MORC4: variants seen among roughly 807,000 people sequenced by gnomAD.
MORC4 encodes the protein MORC family CW-type zinc finger protein 4.
Under a neutral mutation model 65.5 loss-of-function variants are expected in MORC4, and 22 were observed. That is an observed-to-expected ratio of 0.34 (90% CI 0.24 to 0.48). The LOEUF is 0.48. Ranked by LOEUF, MORC4 falls within the 20% of genes least tolerant of loss-of-function variation. The probability of loss-of-function intolerance (pLI) is 0.99; values close to 1 mark genes in which losing one functional copy is unlikely to be tolerated. For missense variants in MORC4, 624 were observed against 703.0 expected, an observed-to-expected ratio of 0.89 and a Z score of 1.27; for synonymous variants, 267 against 255.8, an observed-to-expected ratio of 1.04 and a Z score of -0.42.
At chrX:106,957,936 C>T (rs1934149487) in intron 11 of MORC4, among the ~76,000 whole-genome samples, 1 of 112,024 alleles carries the variant, frequency 8.9e-6, no homozygotes, top group African/African-American at 3.2e-5. Context: ...GAACAAATGT[C>T]AAGAATCAAA....
Position 106,956,462 on chromosome X carries a change from G to C in MORC4, c.1509+18C>G, listed in dbSNP as rs374561041. On this transcript the variant is annotated intron_variant, in intron 13 of 16. Transcript: ENST00000355610. ...AAAATGTTGTGTGAGAACAATAAGG[G>C]TGTGCACTGCCTCTCACCTGGTGGT... 12 of 1,171,833 alleles carry C rather than the reference G, an allele frequency of 1.0e-5. No homozygotes were observed. Among genetic ancestry groups the C allele is most frequent in the Non-Finnish European group, 1.4e-5 (12 of 860,244 alleles).
intron 9 of MORC4, among the ~76,000 whole-genome samples, chrX:106,970,262 C>T (rs1010747652): frequency 6.3e-5 from 7 of 111,870 alleles, no homozygotes; most frequent in Non-Finnish European, 1.1e-4. Flanking sequence ...AAAAAGCCTT[C>T]GACAAAATTC....
At chrX:106,947,874 T>C (rs1183006600) in intron 14 of MORC4, among the ~76,000 whole-genome samples, 2 of 107,554 alleles carry the variant, frequency 1.9e-5, no homozygotes, top group Non-Finnish European at 3.8e-5. Context: ...AATTCAACAA[T>C]AATAGTTGGA....
At chrX:106,984,272 A>T (rs1432114020) in intron 5 of MORC4, among the ~76,000 whole-genome samples, 1 of 106,423 alleles carries the variant, frequency 9.4e-6, no homozygotes, top group Non-Finnish European at 1.9e-5. Flanking sequence ...GGCAAGAGAG[A>T]CTCTGTCTCA....
At position 106,942,966 on chromosome X, in the gene MORC4, A is replaced by G; in HGVS notation, c.1925T>C (p.Val642Ala). 1 of 1,210,714 alleles carries G rather than the reference A, an allele frequency of 8.3e-7. No individual in the cohort carries two copies. The change falls in exon 15 of 17, where the codon GTT (valine) becomes GCT (alanine). Residue 642 changes from valine to alanine, a missense_variant. Val to Ala is a moderately conservative substitution (Grantham distance 64). Transcript: ENST00000355610. ...TTTGGCCCCTGGATACAGAATTGAA[A>G]CCTCCCTATTCTGACCTGTATTCTT... ...ASKNTGQNRE[V>A]SILYPGAKDQ...
At chrX:106,953,776 T>C (rs1934033224) in intron 14 of MORC4, among the ~76,000 whole-genome samples, 1 of 111,827 alleles carries the variant, frequency 8.9e-6, no homozygotes, top group Admixed American at 9.5e-5. Flanking sequence ...TGTATTCCAC[T>C]GACTATTCTA....
intron 5 of MORC4, among the ~76,000 whole-genome samples, chrX:106,984,465 C>CTTTTTTTTTTTTTTTTTTT (rs762110163): frequency 1.4e-5 from 1 of 71,388 alleles, no homozygotes; most frequent in African/African-American, 6.3e-5. Context: ...TTTCTTTTTT[C>CTTTTTTTTTTTTTTTTTTT]TTTTTTTTTT....
Position 106,993,268 on chromosome X carries a change from T to C in MORC4, c.270A>G (p.Gly90=). ...GTAGTTTATGAGGTGTCATCCCACA[T>C]CCATCATCGGTAAAGGTCAAACAAG... The part of the protein sequence containing the change: ...NKSCLTFTDD[G]CGMTPHKLHR... The change falls in exon 3 of 17, where the codon GGA becomes GGG. Residue 90 remains glycine, a synonymous_variant. Transcript: ENST00000355610. 1.7e-6 allele frequency: 2 copies of C among 1,210,239 alleles called. No homozygotes were observed. Among genetic ancestry groups the C allele is most frequent in the Non-Finnish European group, 2.2e-6 (2 of 894,092 alleles).
chrX:106,984,452 GTTTTTCT>G (rs1239989680), intron 5 of MORC4, among the ~76,000 whole-genome samples: 4 of 88,327 alleles, frequency 4.5e-5, no homozygotes, highest in Admixed American at 1.3e-4. Context: ...AAACAACTCT[GTTTTTCT>G]TTTTTCTTTT....
At chrX:106,960,948 C>T (rs982054675) in intron 10 of MORC4, among the ~76,000 whole-genome samples, 3 of 111,958 alleles carry the variant, frequency 2.7e-5, no homozygotes, top group Middle Eastern at 4.2e-3. Flanking sequence ...TTTTACCACT[C>T]TAATGTTTGT....
At chrX:106,954,664 A>G (rs891385182) in intron 14 of MORC4, among the ~76,000 whole-genome samples, 3 of 112,463 alleles carry the variant, frequency 2.7e-5, no homozygotes, top group Non-Finnish European at 5.6e-5. Flanking sequence ...TAATGTGAAT[A>G]CATGATACAT....
At position 106,942,340 on chromosome X, in the gene MORC4, T is replaced by C. The variant is rs879200054; in HGVS notation, c.2377-119A>G. The C allele has an allele frequency of 5.4e-6, 5 of 927,542 alleles. No individual in the cohort carries two copies. In the East Asian group the frequency reaches 1.5e-4, roughly 29 times the overall value. 76.4% of individuals were successfully genotyped at this position (927,542 alleles called of 1,213,427 possible). On this transcript the variant is annotated intron_variant, in intron 15 of 16. Coordinates refer to ENST00000355610, the MANE Select transcript of MORC4 (RefSeq NM_024657.5). ...TTCCTCTACTTATGGGCCTTTTCAA[T>C]ACCCTAAAATGGGCAGGAAGCCTAC... is the stretch of plus-strand genomic sequence containing the variant.
chrX:106,943,245 C>A, intron 14 of MORC4, 40 bp from the exon 15 acceptor site: 1 of 1,058,067 alleles, frequency 9.5e-7, no homozygotes, highest in South Asian at 2.1e-5. Flanking sequence ...TGTCAGAGTA[C>A]AAGTTAAGTA....
chrX:106,975,409 T>C (rs1934602520), intron 9 of MORC4, among the ~76,000 whole-genome samples: 1 of 111,320 alleles, frequency 9.0e-6, no homozygotes, highest in Non-Finnish European at 1.9e-5. Context: ...GTAGTTGTCA[T>C]AACCACTGAG....
At position 106,942,827 on chromosome X, in the gene MORC4, C is replaced by CT; in HGVS notation, c.2063dup (p.Pro690ThrfsTer13). On this transcript the variant is annotated frameshift_variant, in exon 15 of 17. Coordinates refer to ENST00000355610, the MANE Select transcript of MORC4 (RefSeq NM_024657.5). LOFTEE classifies it high-confidence loss of function. Reference sequence around the variant, plus strand: ...CACCCACAACAGCTACAAAAGGTCCCTTGTTGACTTCTTCTTTGTTTATGG... The same window carrying CT: ...CACCCACAACAGCTACAAAAGGTCCCTTTGTTGACTTCTTCTTTGTTTATGG... The CT allele has an allele frequency of 4.1e-6, 5 of 1,211,660 alleles. No individual in the cohort carries two copies. The highest frequency in any genetic ancestry group is 5.6e-6 in the Non-Finnish European group (5 of 895,399).
chrX:106,986,607 T>C (rs963419611), intron 3 of MORC4, among the ~76,000 whole-genome samples: 12 of 111,432 alleles, frequency 1.1e-4, no homozygotes, highest in African/African-American at 3.9e-4. Flanking sequence ...CTAGAGAGGG[T>C]AGCAAAAGTT....
intron 3 of MORC4, 122 bp downstream of exon 3, chrX:106,993,108 G>A: frequency 2.7e-6 from 2 of 745,443 alleles, no homozygotes; most frequent in Non-Finnish European, 3.9e-6. Flanking sequence ...TGGCACATAA[G>A]AGATGCTTAA....
At chrX:106,970,640 A>G (rs957719190) in intron 9 of MORC4, among the ~76,000 whole-genome samples, 2 of 112,056 alleles carry the variant, frequency 1.8e-5, no homozygotes, top group Admixed American at 1.9e-4. Context: ...TACAAAATCA[A>G]TGCGCAAAAA....
chrX:106,947,486 TTCTG>T (rs1276150858), intron 14 of MORC4, among the ~76,000 whole-genome samples: 7 of 100,960 alleles, frequency 6.9e-5, no homozygotes, highest in Admixed American at 5.7e-4. Flanking sequence ...CTCTCTACAA[TTCTG>T]TCTGTTTTTG....
Sources: allele counts gnomAD v4.1 joint callset (sites outside exome capture counted in the v4.1 genomes callset), GRCh38; gene constraint gnomAD v4.1.1; transcripts MANE v1.5; gene names NCBI Gene and HGNC (gene_info 2026-07-23, HGNC 2026-07-21).